Variants in MPPED2 observed in about 807,000 individuals in gnomAD.
MPPED2 encodes the protein metallophosphoesterase MPPED2.
In MPPED2, 5 loss-of-function variants were observed where a neutral mutation model predicts 33.0. That is an observed-to-expected ratio of 0.15 (90% confidence interval 0.08 to 0.32). The LOEUF is 0.32. Among genes scored for constraint, MPPED2 ranks in the 10% least tolerant of loss-of-function variants. MPPED2 has a pLI of 1.00. For missense variants in MPPED2, 275 were observed against 372.1 expected (o/e 0.74, Z 2.15); for synonymous variants, 136 against 141.9 (o/e 0.96, Z 0.29).
chr11:30,502,309 A>G (rs1405919811), intron 3 of MPPED2, among the ~76,000 whole-genome samples: 2 of 152,178 alleles, frequency 1.3e-5, no homozygotes, highest in Non-Finnish European at 2.9e-5. Context: ...TTATCCATCT[A>G]TAGTAACCTT....
intron 4 of MPPED2, among the ~76,000 whole-genome samples, chr11:30,461,011 T>A (rs1343297426): frequency 1.3e-5 from 2 of 152,220 alleles, no homozygotes; most frequent in East Asian, 1.9e-4. Flanking sequence ...CAAAATGTGA[T>A]ATATAAACAC....
chr11:30,568,039 A>C (rs2134781802), intron 2 of MPPED2, among the ~76,000 whole-genome samples: 1 of 152,354 alleles, frequency 6.6e-6, no homozygotes, highest in East Asian at 1.9e-4. Context: ...AAACTGCAGA[A>C]GCTCATGTTA....
chr11:30,436,230 C>A (rs981995732), intron 4 of MPPED2, among the ~76,000 whole-genome samples: 3 of 152,000 alleles, frequency 2.0e-5, no homozygotes, highest in African/African-American at 7.3e-5. Flanking sequence ...ATAGTCCCTG[C>A]CACTTATTGA....
intron 3 of MPPED2, among the ~76,000 whole-genome samples, chr11:30,523,475 A>C (rs1953986210): frequency 6.6e-6 from 1 of 152,120 alleles, no homozygotes; most frequent in Non-Finnish European, 1.5e-5. Flanking sequence ...ATAGGACAGG[A>C]TATTAACAAC....
intron 4 of MPPED2, among the ~76,000 whole-genome samples, chr11:30,419,593 C>T (rs1032069606): frequency 2.0e-5 from 3 of 152,190 alleles, no homozygotes; most frequent in Non-Finnish European, 2.9e-5. Flanking sequence ...CCCTTTCCCA[C>T]TCAGTACATG....
At chr11:30,470,100 CTTTCTTTTAT>C (rs1232749981) in intron 4 of MPPED2, among the ~76,000 whole-genome samples, 7 of 152,222 alleles carry the variant, frequency 4.6e-5, no homozygotes, top group African/African-American at 1.7e-4. Context: ...GATTTCAGCA[CTTTCTTTTAT>C]GAAAATTTAT....
At chr11:30,542,459 CAAAAAAAAAAAA>C (rs59474313) in intron 2 of MPPED2, among the ~76,000 whole-genome samples, 1 of 77,800 alleles carries the variant, frequency 1.3e-5, no homozygotes, top group East Asian at 5.3e-4. Context: ...ACCAAAAGTA[CAAAAAAAAAAAA>C]AAAAAAAAAA....
chr11:30,504,462 T>C (rs1031196871), intron 3 of MPPED2, among the ~76,000 whole-genome samples: 1 of 152,154 alleles, frequency 6.6e-6, no homozygotes, highest in Non-Finnish European at 1.5e-5. Flanking sequence ...GAGTCCAGCC[T>C]GGAGGTGGGG....
chr11:30,511,002 A>G (rs1783553665), intron 3 of MPPED2, among the ~76,000 whole-genome samples: 2 of 152,022 alleles, frequency 1.3e-5, no homozygotes, highest in Admixed American at 1.3e-4. Flanking sequence ...TTGTGGTTTA[A>G]CTCTCTCTTC....
chr11:30,504,696 A>T, intron 3 of MPPED2: 5 of 1,038,536 alleles, frequency 4.8e-6, no homozygotes, highest in Non-Finnish European at 5.3e-6. Context: ...AGGCTCCATT[A>T]ATTTTCACAA....
chr11:30,547,346 A>C lies in MPPED2; in HGVS notation c.129-11171T>G, dbSNP rs74492418. Among the ~76,000 whole-genome samples, 255 of 152,362 alleles carry C rather than the reference A, an allele frequency of 1.7e-3. 1 individual carries two copies. Among genetic ancestry groups the C allele is most frequent in the African/African-American group, 5.9e-3 (247 of 41,596 alleles). The stretch of plus-strand genomic sequence containing the variant: ...TAACTAAATGTTAGAGCTCTGATAG[A>C]AGCTTTATTACTACTAACAATCACG... On this transcript the variant is annotated intron_variant, in intron 2 of 6. Transcript: ENST00000358117.
chr11:30,546,552 A>G (rs1410457523), intron 2 of MPPED2, among the ~76,000 whole-genome samples: 1 of 152,186 alleles, frequency 6.6e-6, no homozygotes, highest in Admixed American at 6.5e-5. Context: ...TTCATTGTTT[A>G]GTTAATTGTG....
At chr11:30,493,826 TA>T (rs1452300807) in intron 4 of MPPED2, among the ~76,000 whole-genome samples, 1 of 152,214 alleles carries the variant, frequency 6.6e-6, no homozygotes, top group Non-Finnish European at 1.5e-5. Flanking sequence ...ATCCTTATCA[TA>T]ACCCTCTAAA....
intron 2 of MPPED2, among the ~76,000 whole-genome samples, chr11:30,565,029 T>C (rs1956386902): frequency 6.6e-6 from 1 of 152,136 alleles, no homozygotes; most frequent in African/African-American, 2.4e-5. Flanking sequence ...CACCAATAAA[T>C]TTCCAAAATG....
intron 4 of MPPED2, among the ~76,000 whole-genome samples, chr11:30,452,942 C>T (rs1390113627): frequency 1.3e-5 from 2 of 152,026 alleles, no homozygotes; most frequent in African/African-American, 4.8e-5. Flanking sequence ...AGAAAGGGCC[C>T]TTCTAGCTAA....
At chr11:30,478,828 G>A (rs1002468017) in intron 4 of MPPED2, among the ~76,000 whole-genome samples, 48 of 152,194 alleles carry the variant, frequency 3.2e-4, no homozygotes, top group African/African-American at 8.7e-4. Flanking sequence ...TAACGTTGTC[G>A]TTTTGAACGG....
chr11:30,586,950 G>GCTCA (rs1435203767), upstream of MPPED2: 4 of 148,366 alleles, frequency 2.7e-5, no homozygotes, highest in East Asian at 6.0e-4. The surrounding 1 kb of genome is among the most constrained non-coding windows in gnomAD (Gnocchi z 4.8). Flanking sequence ...ACACACACAC[G>GCTCA]CTCACTCACT....
intron 3 of MPPED2, chr11:30,504,672 G>C (rs1952735923): frequency 3.7e-6 from 3 of 813,388 alleles, no homozygotes; most frequent in Non-Finnish European, 5.4e-6. Context: ...TCTGACCTCA[G>C]TCTGTCCCCC....
In MPPED2 at chr11:30,575,792, C is replaced by T. The variant is rs189185144; in HGVS notation, c.128+4454G>A. Among the ~76,000 whole-genome samples, 194 of 152,244 alleles carry T rather than the reference C, an allele frequency of 1.3e-3. 1 individual carries two copies. The highest frequency in any genetic ancestry group is 4.2e-3 in the African/African-American group (175 of 41,538). Reference sequence around the variant, plus strand: ...ATCCCCGCCTTGGGACTGCCACTCCCGTGGAGTAACTGGAGGTGGATGAGA... The same window carrying T: ...ATCCCCGCCTTGGGACTGCCACTCCTGTGGAGTAACTGGAGGTGGATGAGA... On this transcript the variant is annotated intron_variant, in intron 2 of 6. Transcript: ENST00000358117.
Sources: gnomAD v4.1 joint callset for allele counts (sites outside exome capture counted in the v4.1 genomes callset) on GRCh38, gnomAD v4.1.1 for gene constraint, Gnocchi (gnomAD v3.1) non-coding constraint, MANE v1.5 for transcripts, NCBI Gene and HGNC (gene_info 2026-07-23, HGNC 2026-07-21) for gene names.